The following CARF variants were observed in gnomAD, a reference collection of about 807,000 sequenced individuals.
CARF encodes calcium responsive transcription factor, also known as calcium-responsive transcription factor.
In CARF, 57 loss-of-function variants were observed where a neutral mutation model predicts 82.0. That is an observed-to-expected ratio of 0.70 (90% CI 0.56 to 0.87). The LOEUF (loss-of-function observed/expected upper bound fraction) is 0.87. Ranked by LOEUF, CARF falls within the 40% of genes least tolerant of loss-of-function variation. The pLI, the probability that CARF is intolerant of heterozygous loss-of-function variation, is 0.00. For synonymous variants in CARF, 268 were observed against 290.1 expected (o/e 0.92, Z 0.77); for missense variants, 771 against 855.8 (o/e 0.90, Z 1.24).
At chr2:202,968,814 A>G (rs1014698508) in intron 10 of CARF, among the ~76,000 whole-genome samples, 2 of 152,228 alleles carry the variant, frequency 1.3e-5, no homozygotes, top group African/African-American at 4.8e-5. Context: ...ACATGATAGT[A>G]TAGAATATAG....
intron 6 of CARF, among the ~76,000 whole-genome samples, chr2:202,953,083 G>C (rs1391558727): frequency 1.3e-5 from 2 of 152,052 alleles, no homozygotes; most frequent in Non-Finnish European, 1.5e-5. Flanking sequence ...TTGGTGGCAT[G>C]ATCTCGGCTT....
At chr2:202,965,483 T>C (rs1267286108) in intron 9 of CARF, among the ~76,000 whole-genome samples, 1 of 152,182 alleles carries the variant, frequency 6.6e-6, no homozygotes, top group Non-Finnish European at 1.5e-5. Context: ...TCTTTGTTCA[T>C]TTACTACCTT....
In CARF at chr2:202,970,145, T is replaced by G. The variant is rs976091145; in HGVS notation, c.1097+83T>G. 4.0e-6 allele frequency: 5 copies of G among 1,236,118 alleles called. No homozygotes were observed. The African/African-American group carries it at 6.4e-5, about 16-fold the overall frequency. 76.6% of individuals were successfully genotyped at this position (1,236,118 alleles called of 1,614,324 possible). On this transcript the variant is annotated intron_variant, in intron 11 of 16. Coordinates refer to ENST00000438828, the MANE Select transcript of CARF (RefSeq NM_024744.17). ...TTATTTTGTAAGGGAAATTATAGTT[T>G]TCCAACTATTTCATTAAGTAACGGT...
chr2:202,960,480 C>CA (rs1405942931), intron 8 of CARF, among the ~76,000 whole-genome samples: 2 of 152,024 alleles, frequency 1.3e-5, no homozygotes, highest in African/African-American at 4.8e-5. Flanking sequence ...GAACTCTTGA[C>CA]CTCAGGTGAT....
chr2:202,930,182 G>T (rs1039564145), intron 3 of CARF, among the ~76,000 whole-genome samples: 3 of 152,116 alleles, frequency 2.0e-5, no homozygotes, highest in Non-Finnish European at 4.4e-5. Context: ...TGAATAGCCG[G>T]AATTATAGTT....
chr2:202,957,501 T>C (rs1161269601), intron 8 of CARF, among the ~76,000 whole-genome samples: 1 of 152,158 alleles, frequency 6.6e-6, no homozygotes. Flanking sequence ...TTATTTCCTT[T>C]TCCTATATGT....
chr2:202,955,602 G>A (rs2058998395), intron 7 of CARF, 72 bp from the exon 8 acceptor site: 5 of 1,068,122 alleles, frequency 4.7e-6, no homozygotes, highest in East Asian at 5.0e-5. Flanking sequence ...GATACTAAGA[G>A]GATAAAGCAG....
intron 3 of CARF, chr2:202,925,634 G>T: frequency 4.2e-6 from 1 of 239,736 alleles, no homozygotes; most frequent in Non-Finnish European, 8.3e-6. Context: ...AGGCCAGAGG[G>T]CTTCCTTGGA....
chr2:202,953,498 G>GTTTTTTTTTTTTTTTTTTTTTTTTT (rs67855316), intron 6 of CARF, among the ~76,000 whole-genome samples: 2 of 70,294 alleles, frequency 2.8e-5, no homozygotes, highest in African/African-American at 5.6e-5. Flanking sequence ...TTTTTTTGTT[G>GTTTTTTTTTTTTTTTTTTTTTTTTT]TTTTTTTTTT....
chr2:202,928,624 T>G (rs1252815026), intron 3 of CARF, among the ~76,000 whole-genome samples: 2 of 152,216 alleles, frequency 1.3e-5, no homozygotes, highest in Non-Finnish European at 2.9e-5. Flanking sequence ...CTTGCCAGCA[T>G]TTGTTATTTT....
At chr2:202,937,620 T>C (rs766995445) in intron 3 of CARF, among the ~76,000 whole-genome samples, 1 of 152,058 alleles carries the variant, frequency 6.6e-6, no homozygotes, top group Non-Finnish European at 1.5e-5. Context: ...TTTTTTGTTA[T>C]TTGTTTATTT....
At chr2:202,947,037 A>G (rs1476092519) in intron 5 of CARF, among the ~76,000 whole-genome samples, 1 of 152,218 alleles carries the variant, frequency 6.6e-6, no homozygotes, top group East Asian at 1.9e-4. Context: ...GGTAGTGTAA[A>G]TTAGTTTGGC....
intron 5 of CARF, among the ~76,000 whole-genome samples, chr2:202,944,203 T>G (rs1419919275): frequency 6.6e-6 from 1 of 152,210 alleles, no homozygotes; most frequent in African/African-American, 2.4e-5. Context: ...GTTCATAGTT[T>G]GAGCCAAAGA....
At chr2:202,914,193 T>G (rs1160996732) in intron 1 of CARF, among the ~76,000 whole-genome samples, 1 of 152,222 alleles carries the variant, frequency 6.6e-6, no homozygotes, top group South Asian at 2.1e-4. Context: ...ATGTATTTAC[T>G]ATATGGTCCT....
At chr2:202,922,442 C>A (rs1287367832) in intron 2 of CARF, among the ~76,000 whole-genome samples, 1 of 152,104 alleles carries the variant, frequency 6.6e-6, no homozygotes, top group Non-Finnish European at 1.5e-5. Flanking sequence ...TACCCACTCT[C>A]ACCACTCATC....
intron 10 of CARF, among the ~76,000 whole-genome samples, chr2:202,967,398 C>T (rs988754348): frequency 5.9e-5 from 9 of 152,162 alleles, no homozygotes; most frequent in African/African-American, 1.7e-4. Flanking sequence ...TTTCCTTAAA[C>T]TTACATAGTA....
chr2:202,975,955 G>A (rs993027434), intron 13 of CARF, among the ~76,000 whole-genome samples: 8 of 151,792 alleles, frequency 5.3e-5, no homozygotes, highest in African/African-American at 1.9e-4. Context: ...TGAGGCAGGA[G>A]AATCACTTGA....
chr2:202,981,625 G>T lies in CARF; in HGVS notation c.1629G>T (p.Glu543Asp). Reference sequence around the variant, plus strand: ...AGACCAGGGGTTCTTTGTCTCCTGAGCCAACCCACTTGCTCTCCTCACTCT... The same window carrying T: ...AGACCAGGGGTTCTTTGTCTCCTGATCCAACCCACTTGCTCTCCTCACTCT... ...TNQTRGSLSP[E>D]PTHLLSSLSS... Residue 543 changes from glutamate (E) to aspartate (D), a missense_variant, in exon 15 of 17, where the codon GAG becomes GAT. Coordinates refer to ENST00000438828, the MANE Select transcript of CARF (RefSeq NM_024744.17). 6.2e-7 allele frequency: 1 copy of T among 1,612,048 alleles called. No individual in the cohort carries two copies. The highest frequency in any genetic ancestry group is 8.5e-7 in the Non-Finnish European group (1 of 1,178,738).
chr2:202,966,490 T>G (rs1269006588), intron 9 of CARF, among the ~76,000 whole-genome samples: 2 of 152,204 alleles, frequency 1.3e-5, no homozygotes. Context: ...GGCAGGCGGT[T>G]CACTTGAGTT....
Sources: allele counts gnomAD v4.1 joint callset (sites outside exome capture counted in the v4.1 genomes callset), GRCh38; gene constraint gnomAD v4.1.1; transcripts MANE v1.5; gene names NCBI Gene and HGNC (gene_info 2026-07-23, HGNC 2026-07-21).